The following SPIRE2 variants were observed in gnomAD, a reference collection of about 807,000 sequenced individuals.
SPIRE2 encodes the protein protein spire homolog 2.
In SPIRE2, 76 loss-of-function variants were observed where a neutral mutation model predicts 80.7. The ratio of observed to expected loss-of-function variants is 0.94; its 90% CI spans 0.78 to 1.14. The LOEUF (loss-of-function observed/expected upper bound fraction) is 1.14. Ranked by LOEUF, SPIRE2 falls within the 50% of genes most tolerant of loss-of-function variation. The pLI is 0.00. For synonymous variants in SPIRE2, 535 were observed against 432.6 expected (o/e 1.24, Z -2.94); for missense variants, 1,196 against 1,015.3 (o/e 1.18, Z -2.42).
At chr16:89,850,746 C>T in intron 3 of SPIRE2, 86 bp downstream of exon 3, 3 of 1,024,530 alleles carry the variant, frequency 2.9e-6, no homozygotes, top group Non-Finnish European at 4.0e-6. Flanking sequence ...AAGGACGTCT[C>T]TTCGTGGACA....
intron 2 of SPIRE2, among the ~76,000 whole-genome samples, chr16:89,849,047 G>A (rs2041594968): frequency 6.6e-6 from 1 of 152,254 alleles, no homozygotes; most frequent in Admixed American, 6.5e-5. Flanking sequence ...GTGTTCTTGG[G>A]CCTTGTCCTG....
chr16:89,854,520 C>G lies in SPIRE2; in HGVS notation c.760C>G (p.Arg254Gly). 1 of 1,612,660 alleles carries G rather than the reference C, an allele frequency of 6.2e-7. No homozygotes were observed. Residue 254 changes from arginine to glycine, a missense_variant, in exon 5 of 15, where the codon CGC (arginine) becomes GGC (glycine). By Grantham distance (125) the Arg-to-Gly change is moderately radical. Transcript: ENST00000378247. Reference sequence around the variant, plus strand: ...GTGGGTTCAGCTCATGCGGGAGCTCCGCCGCGGAGTGAAGCTGAAGAAGGT... The same window carrying G: ...GTGGGTTCAGCTCATGCGGGAGCTCGGCCGCGGAGTGAAGCTGAAGAAGGT... ...RLWVQLMREL[R>G]RGVKLKKVQE...
At position 89,870,263 on chromosome 16, in the gene SPIRE2, C is replaced by G; in HGVS notation, c.2136C>G (p.Asp712Glu). The G allele has an allele frequency of 6.3e-7, 1 of 1,592,056 alleles. No homozygotes were observed. Among genetic ancestry groups the G allele is most frequent in the Non-Finnish European group, 8.6e-7 (1 of 1,169,182 alleles). ...ACATCCCTAACACCAGGACTCTTGA[C>G]TTCAAGTGACAGCCCCAGGTGGCCA... ...SLYIPNTRTL[D>E]FK Residue 712 changes from aspartate to glutamate, a missense_variant, in exon 15 of 15, where the codon GAC (aspartate) becomes GAG (glutamate). Physicochemically the swap from Asp to Glu is conservative, Grantham distance 45. Transcript: ENST00000378247.
At chr16:89,831,996 G>A (rs545454289) in intron 1 of SPIRE2, among the ~76,000 whole-genome samples, 1 of 152,396 alleles carries the variant, frequency 6.6e-6, no homozygotes, top group East Asian at 1.9e-4. Flanking sequence ...CCAGAGCTCT[G>A]CAGAGGGCGA....
intron 12 of SPIRE2, among the ~76,000 whole-genome samples, chr16:89,866,003 G>A (rs552831050): frequency 6.1e-5 from 9 of 148,712 alleles, no homozygotes; most frequent in Non-Finnish European, 1.0e-4. Context: ...GGCTGGATAT[G>A]GTGGATATGG....
chr16:89,845,258 A>C, intron 1 of SPIRE2, 64 bp from the exon 2 acceptor site: 1 of 1,434,208 alleles, frequency 7.0e-7, no homozygotes. Flanking sequence ...AGGTGGGGGG[A>C]CAGCAGTGTT....
At position 89,859,278 on chromosome 16, in the gene SPIRE2, C is replaced by A. The variant is rs1384696508; in HGVS notation, c.1386C>A (p.His462Gln). The change falls in exon 9 of 15, where the codon CAC becomes CAA. Residue 462 changes from histidine to glutamine, a missense_variant. Transcript: ENST00000378247. ...CCTCTGGCCTGCAGTCGGCCACCCA[C>A]CCCCCAGGAGGGACGGAGCCACCAC... The part of the protein sequence containing the change: ...EVASGLQSAT[H>Q]PPGGTEPPRP... 2 of 1,603,762 alleles carry A rather than the reference C, an allele frequency of 1.2e-6. No individual in the cohort carries two copies. The highest frequency in any genetic ancestry group is 2.2e-5 in the South Asian group (2 of 90,618).
chr16:89,833,786 C>T (rs553546011), intron 1 of SPIRE2, among the ~76,000 whole-genome samples: 32 of 152,198 alleles, frequency 2.1e-4, no homozygotes, highest in Non-Finnish European at 1.3e-4. Context: ...GAATCCCGAC[C>T]GGATTCTCAG....
At chr16:89,865,818 A>C (rs2041784030) in intron 12 of SPIRE2, among the ~76,000 whole-genome samples, 1 of 151,970 alleles carries the variant, frequency 6.6e-6, no homozygotes. Flanking sequence ...AATACAAAAA[A>C]TTAGCTGGGC....
chr16:89,854,326 C>A lies in SPIRE2; in HGVS notation c.686C>A (p.Thr229Lys). The A allele has an allele frequency of 6.2e-7, 1 of 1,612,600 alleles. No individual in the cohort carries two copies. ...KLREDEPHLE[T>K]PRAELDSLGH... ...CGGGAGGACGAGCCGCATCTGGAGA[C>A]GCCTCGGGCAGAGCTGGACAGCCTG... Residue 229 changes from threonine to lysine, a missense_variant, in exon 4 of 15, where the codon ACG becomes AAG. Coordinates refer to ENST00000378247, the MANE Select transcript of SPIRE2 (RefSeq NM_032451.2).
At chr16:89,869,967 G>A in intron 14 of SPIRE2, 83 bp from the exon 15 acceptor site, 4 of 1,223,874 alleles carry the variant, frequency 3.3e-6, no homozygotes, top group Non-Finnish European at 4.6e-6. Flanking sequence ...CAGCCAGGAG[G>A]GGGCTGTGGC....
At chr16:89,845,205 G>A in intron 1 of SPIRE2, 117 bp from the exon 2 acceptor site, 2 of 928,172 alleles carry the variant, frequency 2.2e-6, no homozygotes, top group Non-Finnish European at 3.5e-6. Flanking sequence ...GCTTTCTGGT[G>A]TTCCGGCGGA....
At chr16:89,845,156 G>A (rs1409584157) in intron 1 of SPIRE2, among the ~76,000 whole-genome samples, 166 bp from the exon 2 acceptor site, 3 of 152,168 alleles carry the variant, frequency 2.0e-5, no homozygotes, top group Non-Finnish European at 4.4e-5. Context: ...GGCCTCATGG[G>A]TGTTCGTCCA....
intron 1 of SPIRE2, among the ~76,000 whole-genome samples, chr16:89,839,981 C>G (rs2041488764): frequency 6.6e-6 from 1 of 152,220 alleles, no homozygotes; most frequent in Non-Finnish European, 1.5e-5. Context: ...GGAGTCATCT[C>G]TGTCCTGCAG....
chr16:89,850,679 C>T lies in SPIRE2; in HGVS notation c.645+19C>T, dbSNP rs1488287585. 36 of 1,390,254 alleles carry T rather than the reference C, an allele frequency of 2.6e-5. No homozygotes were observed. The highest frequency in any genetic ancestry group is 7.2e-5 in the South Asian group (5 of 69,580). 86.1% of individuals were successfully genotyped at this position (1,390,254 alleles called of 1,614,324 possible). A position where few individuals can be genotyped will look rare whatever the true frequency, so the allele number is the denominator to read the frequency against. On this transcript the variant is annotated intron_variant, in intron 3 of 14. Transcript: ENST00000378247. ...CAAGGAGGTGAGCGGTGGGTGGGGGCGACCGTGGAGGGTCCGGGAGGCCAG... is the reference window on the plus strand; with the variant it reads ...CAAGGAGGTGAGCGGTGGGTGGGGGTGACCGTGGAGGGTCCGGGAGGCCAG...
At chr16:89,829,302 G>A (rs186281607) in intron 1 of SPIRE2, among the ~76,000 whole-genome samples, 1 of 152,362 alleles carries the variant, frequency 6.6e-6, no homozygotes, top group East Asian at 1.9e-4. Flanking sequence ...GGTGTGTAAA[G>A]TTGGGGGGAC....
rs150169507 is a variant in SPIRE2, at chr16:89,859,500, C to T, written c.1462+146C>T. The T allele has an allele frequency of 7.8e-4, 317 of 405,718 alleles. 1 individual carries two copies. The East Asian group carries it at 0.01, about 13-fold the overall frequency. 25.1% of individuals were successfully genotyped at this position (405,718 alleles called of 1,614,324 possible). A position where few individuals can be genotyped will look rare whatever the true frequency, so the allele number is the denominator to read the frequency against. ...GCTCGTGCCTGCAAGACGGCACCAC[C>T]TCAGGCAGGCATCTCCTTTTGTTTA... is the stretch of plus-strand genomic sequence containing the variant. On this transcript the variant is annotated intron_variant, in intron 9 of 14. Coordinates refer to ENST00000378247, the MANE Select transcript of SPIRE2 (RefSeq NM_032451.2).
intron 1 of SPIRE2, among the ~76,000 whole-genome samples, chr16:89,842,993 T>C (rs12599531): frequency 0.7 from 106,440 of 152,230 alleles, 38,007 homozygotes; most frequent in East Asian, 0.99. Context: ...ACTGAGCAGA[T>C]GATTTCATGG....
intron 1 of SPIRE2, among the ~76,000 whole-genome samples, chr16:89,839,968 G>C (rs2041488703): frequency 6.6e-6 from 1 of 152,250 alleles, no homozygotes; most frequent in South Asian, 2.1e-4. Context: ...GTGAGATTGA[G>C]CAGGAGTCAT....
Sources: gnomAD v4.1 joint callset for allele counts (sites outside exome capture counted in the v4.1 genomes callset) on GRCh38, gnomAD v4.1.1 for gene constraint, MANE v1.5 for transcripts, NCBI Gene and HGNC (gene_info 2026-07-23, HGNC 2026-07-21) for gene names.